HERC1: variants seen among roughly 807,000 people sequenced by gnomAD.
The protein encoded by HERC1 is HECT and RLD domain containing E3 ubiquitin protein ligase family member 1.
HERC1 carries 160 observed loss-of-function variants against 554.3 expected under a neutral mutation model. The ratio of observed to expected loss-of-function variants is 0.29; its 90% CI spans 0.25 to 0.33. The LOEUF is 0.33. Ranked by LOEUF, HERC1 falls within the 10% of genes least tolerant of loss-of-function variation. The pLI is 1.00. For synonymous variants in HERC1, 2,175 were observed against 2,131.7 expected, an observed-to-expected ratio of 1.02 and a Z score of -0.56; for missense variants, 4,919 against 5,918.5, an observed-to-expected ratio of 0.83 and a Z score of 5.54.
chr15:63,696,164 G>T lies in HERC1; in HGVS notation c.5081C>A (p.Thr1694Lys). The T allele has an allele frequency of 6.2e-7, 1 of 1,613,634 alleles. No homozygotes were observed. The highest frequency in any genetic ancestry group is 1.3e-5 in the African/African-American group (1 of 75,036). The change falls in exon 27 of 78, where the codon ACA becomes AAA. Residue 1694 changes from threonine (T) to lysine (K), a missense_variant. Physicochemically the swap from Thr to Lys is moderately conservative, Grantham distance 78. Transcript: ENST00000443617. ...GCFGLGTVGH[T>K]GGKGESGRLH... ...TCGGCCACTCTCTCCCTTGCCTCCT[G>T]TGTGTCCAACAGTGCCTAAACCAAA...
At position 63,680,063 on chromosome 15, in the gene HERC1, T is replaced by G. The variant is rs1378933971; in HGVS notation, c.6549+14A>C. 1.2e-5 allele frequency: 18 copies of G among 1,533,170 alleles called. No individual in the cohort carries two copies. Among genetic ancestry groups the G allele is most frequent in the Admixed American group, 1.7e-5 (1 of 58,678 alleles). 95.0% of individuals were successfully genotyped at this position (1,533,170 alleles called of 1,614,324 possible). On this transcript the variant is annotated intron_variant, in intron 36 of 77. Coordinates refer to ENST00000443617, the MANE Select transcript of HERC1 (RefSeq NM_003922.4). This position sits in a 1 kb window ranked among gnomAD's most constrained non-coding sequence, Gnocchi z 5.8. ...TAACAAATATTCTTAAATAAAGGTT[T>G]GAGACTTCATTACCTTTTCCCCTGG...
chr15:63,733,093 G>T lies in HERC1; in HGVS notation c.2699C>A (p.Ala900Asp). ...LTSLQDHTHV[A>D]SLLGYSSPSD... ...GGGTGAACTATAGCCAAGTAGGGAGGCTACGTGGGTATGATCTTGCAAACT... is the reference window on the plus strand; with the variant it reads ...GGGTGAACTATAGCCAAGTAGGGAGTCTACGTGGGTATGATCTTGCAAACT... Residue 900 changes from alanine (A) to aspartate (D), a missense_variant, in exon 14 of 78, where the codon GCC becomes GAC. By Grantham distance (126) the Ala-to-Asp change is moderately radical (BLOSUM62 -2). Coordinates refer to ENST00000443617, the MANE Select transcript of HERC1 (RefSeq NM_003922.4). 1.9e-6 allele frequency: 3 copies of T among 1,613,886 alleles called. No homozygotes were observed. Among genetic ancestry groups the T allele is most frequent in the Non-Finnish European group, 2.5e-6 (3 of 1,179,782 alleles).
At chr15:63,629,162 C>G (rs1280223727) in intron 69 of HERC1, among the ~76,000 whole-genome samples, 1 of 152,142 alleles carries the variant, frequency 6.6e-6, no homozygotes, top group Non-Finnish European at 1.5e-5. Flanking sequence ...CTTGGCCAGG[C>G]TGATCTTGAA....
At chr15:63,643,892 G>T (rs2069192713) in intron 57 of HERC1, among the ~76,000 whole-genome samples, 1 of 152,124 alleles carries the variant, frequency 6.6e-6, no homozygotes, top group Non-Finnish European at 1.5e-5. Flanking sequence ...TTCACTTCAT[G>T]TAATTTTCAT....
intron 55 of HERC1, among the ~76,000 whole-genome samples, chr15:63,647,567 C>T (rs1326818316): frequency 2.0e-5 from 3 of 152,180 alleles, no homozygotes; most frequent in Non-Finnish European, 2.9e-5. Context: ...TATCACAACA[C>T]CATTCACAAT....
At position 63,666,137 on chromosome 15, in the gene HERC1, C is replaced by T. The variant is rs1211884917; in HGVS notation, c.8337G>A (p.Glu2779=). 1.7e-5 allele frequency: 27 copies of T among 1,612,904 alleles called. No individual in the cohort carries two copies. Among genetic ancestry groups the T allele is most frequent in the Non-Finnish European group, 2.3e-5 (27 of 1,179,262 alleles). Residue 2779 remains glutamate (E), a synonymous_variant, in exon 42 of 78, where the codon GAG becomes GAA. Transcript: ENST00000443617. The part of the protein sequence containing the change: ...KAMEATGARG[E]ADAQNITVLA... The stretch of plus-strand genomic sequence containing the variant: ...GGACAGTGATATTCTGGGCATCAGC[C>T]TCTCCCCTAGCACCTATACAGGGGA...
chr15:63,724,382 T>C (rs917054837), intron 18 of HERC1, among the ~76,000 whole-genome samples: 5 of 152,222 alleles, frequency 3.3e-5, no homozygotes, highest in African/African-American at 9.6e-5. Context: ...AATCACTTTC[T>C]GGTTCATAAA....
At chr15:63,827,390 C>T (rs944451996) in intron 1 of HERC1, among the ~76,000 whole-genome samples, 1 of 151,506 alleles carries the variant, frequency 6.6e-6, no homozygotes, top group Non-Finnish European at 1.5e-5. Context: ...TACCACTGCA[C>T]TCCAGCCTGA....
Position 63,616,669 on chromosome 15 carries a change from G to T in HERC1, c.13702C>A (p.Pro4568Thr), listed in dbSNP as rs1212293073. 6.2e-7 allele frequency: 1 copy of T among 1,612,832 alleles called. No homozygotes were observed. The highest frequency in any genetic ancestry group is 8.5e-7 in the Non-Finnish European group (1 of 1,179,510). The change falls in exon 75 of 78, where the codon CCT becomes ACT. Residue 4568 changes from proline (P) to threonine (T), a missense_variant. Pro to Thr is a conservative substitution (Grantham distance 38, BLOSUM62 -1). Transcript: ENST00000443617. ...AAGTGTTCATCGAGGCAGGCAGAAG[G>T]GTTAAAAAGGAACCTGTAAAATTAA... Reference protein sequence around the residue: ...GYNRDRFLFNPSACLDEHLMQ... With the variant: ...GYNRDRFLFNTSACLDEHLMQ...
intron 1 of HERC1, among the ~76,000 whole-genome samples, chr15:63,831,229 C>T (rs759937260): frequency 1.4e-4 from 22 of 152,144 alleles, no homozygotes; most frequent in Non-Finnish European, 3.1e-4. Flanking sequence ...ATCTCAGCCT[C>T]CCTAATAGCA....
At chr15:63,767,475 G>C (rs1567105298) in intron 2 of HERC1, among the ~76,000 whole-genome samples, 1 of 152,028 alleles carries the variant, frequency 6.6e-6, no homozygotes, top group Non-Finnish European at 1.5e-5. Flanking sequence ...CAAGGCGGGT[G>C]GATCATCTGA....
intron 24 of HERC1, among the ~76,000 whole-genome samples, chr15:63,707,157 G>A (rs992164016): frequency 1.3e-5 from 2 of 152,054 alleles, no homozygotes; most frequent in African/African-American, 2.4e-5. Flanking sequence ...AGCACCTTCC[G>A]GATGCCTAAA....
At chr15:63,768,071 A>G (rs180691518) in intron 2 of HERC1, among the ~76,000 whole-genome samples, 6 of 152,300 alleles carry the variant, frequency 3.9e-5, no homozygotes, top group Non-Finnish European at 7.3e-5. Context: ...CACTTCTCAG[A>G]TAGCTTTCAA....
At chr15:63,806,997 C>T (rs751644353) in intron 1 of HERC1, among the ~76,000 whole-genome samples, 16 of 152,228 alleles carry the variant, frequency 1.1e-4, no homozygotes, top group Admixed American at 1.3e-4. Context: ...CCACCCACCT[C>T]GGCCTCCCAA....
In HERC1 at chr15:63,756,361, T is replaced by C; in HGVS notation, c.1533+76A>G. 7.8e-7 allele frequency: 1 copy of C among 1,274,850 alleles called. No individual in the cohort carries two copies. The highest frequency in any genetic ancestry group is 1.1e-6 in the Non-Finnish European group (1 of 906,804). 79.0% of individuals were successfully genotyped at this position (1,274,850 alleles called of 1,614,324 possible). ...AAGGGGCAACTGCAGAAAGAACACATCAAAATCTGAACGACATTGTCAATT... is the reference window on the plus strand; with the variant it reads ...AAGGGGCAACTGCAGAAAGAACACACCAAAATCTGAACGACATTGTCAATT... On this transcript the variant is annotated intron_variant, in intron 5 of 77. Coordinates refer to ENST00000443617, the MANE Select transcript of HERC1 (RefSeq NM_003922.4). This position sits in a 1 kb window ranked among gnomAD's most constrained non-coding sequence, Gnocchi z 5.0.
chr15:63,742,947 T>C lies in HERC1; in HGVS notation c.2520+3971A>G, dbSNP rs79184094. ...AATAGCTGGTCTATAGTTTTTCTTTTCTTGCAATGTTTTGGTCCACAATTA... is the reference window on the plus strand; with the variant it reads ...AATAGCTGGTCTATAGTTTTTCTTTCCTTGCAATGTTTTGGTCCACAATTA... On this transcript the variant is annotated intron_variant, in intron 12 of 77. Transcript: ENST00000443617. Among the ~76,000 whole-genome samples, 169 of 152,306 alleles carry C rather than the reference T, an allele frequency of 1.1e-3. 6 individuals carry two copies. The East Asian group carries it at 0.03, about 27-fold the overall frequency.
At chr15:63,644,209 G>A (rs2069209865) in intron 57 of HERC1, among the ~76,000 whole-genome samples, 1 of 152,120 alleles carries the variant, frequency 6.6e-6, no homozygotes. Context: ...AATACTATAT[G>A]TATTCACTAC....
intron 19 of HERC1, among the ~76,000 whole-genome samples, chr15:63,720,081 C>T (rs959580147): frequency 2.9e-4 from 33 of 114,352 alleles, no homozygotes; most frequent in African/African-American, 1.2e-3. Context: ...ATGATGAGGA[C>T]TAGTCAGGTG....
chr15:63,737,483 TA>T (rs1267622300), intron 12 of HERC1, among the ~76,000 whole-genome samples: 1 of 93,060 alleles, frequency 1.1e-5, no homozygotes, highest in African/African-American at 3.9e-5. Context: ...TTTTTCCAGA[TA>T]TATATATATA....
Sources: allele counts gnomAD v4.1 joint callset (sites outside exome capture counted in the v4.1 genomes callset), GRCh38; gene constraint gnomAD v4.1.1; non-coding constraint Gnocchi (gnomAD v3.1); transcripts MANE v1.5; gene names NCBI Gene and HGNC (gene_info 2026-07-23, HGNC 2026-07-21).